The following IFT74 variants were observed in gnomAD, a reference collection of about 807,000 sequenced individuals.
The protein encoded by IFT74 is intraflagellar transport 74.
IFT74 carries 92 observed loss-of-function variants against 96.7 expected under a neutral mutation model. The observed-to-expected ratio is 0.95, with a 90% confidence interval of 0.80 to 1.13. IFT74 has a LOEUF of 1.13. Among genes scored for constraint, IFT74 ranks in the 50% most tolerant of loss-of-function variants. IFT74 has a pLI of 0.00. For missense variants in IFT74, 811 were observed against 698.2 expected, an observed-to-expected ratio of 1.16 and a Z score of -1.82; for synonymous variants, 223 against 213.2, an observed-to-expected ratio of 1.05 and a Z score of -0.40.
At chr9:27,022,145 T>G (rs1829635926) in intron 12 of IFT74, among the ~76,000 whole-genome samples, 2 of 152,164 alleles carry the variant, frequency 1.3e-5, no homozygotes, top group Non-Finnish European at 2.9e-5. Flanking sequence ...ACTGTCAGTA[T>G]TTGGTTTTAT....
At chr9:27,029,184 C>G in intron 13 of IFT74, 80 bp downstream of exon 13, 1 of 1,009,344 alleles carries the variant, frequency 9.9e-7, no homozygotes, top group Non-Finnish European at 1.5e-6. Context: ...GTCTCAGAGA[C>G]TGTTCAACTA....
At chr9:26,965,535 T>G (rs1358584062) in intron 2 of IFT74, among the ~76,000 whole-genome samples, 1 of 152,172 alleles carries the variant, frequency 6.6e-6, no homozygotes, top group Non-Finnish European at 1.5e-5. Flanking sequence ...GGTATCTTTT[T>G]CTTTTATTCC....
intron 3 of IFT74, among the ~76,000 whole-genome samples, chr9:26,979,126 A>G (rs531284764): frequency 1.3e-5 from 2 of 151,440 alleles, no homozygotes; most frequent in East Asian, 4.1e-4. Context: ...ATAATACAGT[A>G]TATCATCCCT....
intron 12 of IFT74, among the ~76,000 whole-genome samples, chr9:27,024,631 C>T (rs1430547752): frequency 1.3e-5 from 2 of 152,074 alleles, no homozygotes; most frequent in Admixed American, 6.5e-5. Context: ...CAGAAGATCA[C>T]ACTAGTACCA....
chr9:27,040,751 G>C (rs1819441912), intron 13 of IFT74, among the ~76,000 whole-genome samples: 1 of 152,024 alleles, frequency 6.6e-6, no homozygotes, highest in South Asian at 2.1e-4. Flanking sequence ...GTTCAGGAGA[G>C]TTACTAGTAC....
rs529424607 is a variant in IFT74, at chr9:27,003,310, G to C, written c.588-5710G>C. On this transcript the variant is annotated intron_variant, in intron 8 of 19. Coordinates refer to ENST00000380062, the MANE Select transcript of IFT74 (RefSeq NM_025103.4). ...GGCCGAGGCGGGCAGATCACCTGAG[G>C]TCAGGAGTTTGAGACCAGCCTGGCC... is the stretch of plus-strand genomic sequence containing the variant. Among the ~76,000 whole-genome samples, 4 of 152,116 alleles carry C rather than the reference G, an allele frequency of 2.6e-5. No homozygotes were observed. The South Asian group carries it at 6.2e-4, about 24-fold the overall frequency.
chr9:26,992,634 A>G (rs1214176896), intron 8 of IFT74, among the ~76,000 whole-genome samples: 1 of 152,100 alleles, frequency 6.6e-6, no homozygotes, highest in African/African-American at 2.4e-5. Context: ...CGGAGGGTTC[A>G]GTAAGCCGAG....
chr9:26,996,330 G>T (rs778748327), intron 8 of IFT74: 5 of 1,596,130 alleles, frequency 3.1e-6, no homozygotes, highest in African/African-American at 1.3e-5. Flanking sequence ...TTGTTAAGTT[G>T]TTCGAAGAGC....
At chr9:26,974,448 A>G (rs1827013312) in intron 2 of IFT74, among the ~76,000 whole-genome samples, 1 of 152,168 alleles carries the variant, frequency 6.6e-6, no homozygotes, top group Admixed American at 6.5e-5. Context: ...TAGCCTGTCT[A>G]AGAATTTTAT....
Position 27,064,387 on chromosome 9 carries a change from T to A in IFT74, c.*1651T>A, listed in dbSNP as rs1218063157. ...AAATTTCACAAGGGAAAAAAACTCT[T>A]TTAGCAGTTAAAGAGAATGAAATCT... On this transcript the variant is annotated 3_prime_UTR_variant, in exon 20 of 20. Coordinates refer to ENST00000380062, the MANE Select transcript of IFT74 (RefSeq NM_025103.4). Among the ~76,000 whole-genome samples the A allele has an allele frequency of 1.3e-5, 2 of 152,096 alleles. No individual in the cohort carries two copies. The highest frequency in any genetic ancestry group is 2.9e-5 in the Non-Finnish European group (2 of 67,964).
chr9:26,968,235 G>C (rs1042747639), intron 2 of IFT74, among the ~76,000 whole-genome samples: 3 of 149,942 alleles, frequency 2.0e-5, no homozygotes, highest in Admixed American at 2.0e-4. Flanking sequence ...GCTTTTCTTT[G>C]CTGGGAGACG....
At position 26,995,587 on chromosome 9, in the gene IFT74, C is replaced by T. The variant is rs752042275; in HGVS notation, c.587+5392C>T. On this transcript the variant is annotated intron_variant, in intron 8 of 19. Coordinates refer to ENST00000380062, the MANE Select transcript of IFT74 (RefSeq NM_025103.4). Reference sequence around the variant, plus strand: ...CTTCAATAAATCCATCATCATCTACCACAAATGAATGTAATTGTTCAAATA... The same window carrying T: ...CTTCAATAAATCCATCATCATCTACTACAAATGAATGTAATTGTTCAAATA... The T allele has an allele frequency of 3.7e-6, 6 of 1,602,628 alleles. No homozygotes were observed. In the South Asian group the frequency reaches 6.6e-5, roughly 18 times the overall value.
chr9:27,000,136 C>A (rs1828400009), intron 8 of IFT74, among the ~76,000 whole-genome samples: 1 of 152,148 alleles, frequency 6.6e-6, no homozygotes, highest in Non-Finnish European at 1.5e-5. Flanking sequence ...CATGGCCATT[C>A]ACCATCCTTG....
intron 13 of IFT74, among the ~76,000 whole-genome samples, chr9:27,039,982 G>A (rs542895640): frequency 7.6e-4 from 115 of 152,286 alleles, no homozygotes; most frequent in African/African-American, 2.7e-3. Context: ...AATTGAAATA[G>A]GAGTCAGGGA....
At chr9:26,997,924 T>G in intron 8 of IFT74, 1 of 1,614,048 alleles carries the variant, frequency 6.2e-7, no homozygotes, top group South Asian at 1.1e-5. Context: ...TCAGTTGTTC[T>G]ATTTTGTTTT....
Position 27,027,054 on chromosome 9 carries a change from A to C in IFT74, c.975-1971A>C, listed in dbSNP as rs118036163. On this transcript the variant is annotated intron_variant, in intron 12 of 19. Coordinates refer to ENST00000380062, the MANE Select transcript of IFT74 (RefSeq NM_025103.4). ...AAGCTGGTTCTTTGAAAAGATAAAC[A>C]AAATTGATAGACCAATAGCAAGATT... 6.8e-3 allele frequency among the ~76,000 whole-genome samples: 1,031 copies of C among 152,294 alleles called. 10 individuals are homozygous for C. Among genetic ancestry groups the C allele is most frequent in the Admixed American group, 0.014 (214 of 15,296 alleles).
chr9:27,055,666 C>A lies in IFT74; in HGVS notation c.1391C>A (p.Thr464Asn). The change falls in exon 17 of 20, where the codon ACT becomes AAT. Residue 464 changes from threonine (T) to asparagine (N), a missense_variant. By Grantham distance (65) the Thr-to-Asn change is moderately conservative. Coordinates refer to ENST00000380062, the MANE Select transcript of IFT74 (RefSeq NM_025103.4). The part of the protein sequence containing the change: ...QKMELLESKM[T>N]EEQHSLKSKI... ...ATGGAGCTTCTAGAAAGTAAGATGA[C>A]TGAAGAACAGCATTCTCTAAAAAGC... 1.5e-5 allele frequency: 24 copies of A among 1,592,526 alleles called. No individual in the cohort carries two copies. Among genetic ancestry groups the A allele is most frequent in the Non-Finnish European group, 2.0e-5 (24 of 1,171,592 alleles).
intron 12 of IFT74, among the ~76,000 whole-genome samples, chr9:27,019,208 C>T (rs1190264502): frequency 6.6e-6 from 1 of 152,108 alleles, no homozygotes; most frequent in Non-Finnish European, 1.5e-5. Flanking sequence ...CCTCCCATCT[C>T]AGCTTCCCAA....
chr9:26,966,760 G>C (rs1051867804), intron 2 of IFT74, among the ~76,000 whole-genome samples: 3 of 151,968 alleles, frequency 2.0e-5, no homozygotes, highest in African/African-American at 7.2e-5. Flanking sequence ...CCAATGTTCT[G>C]GATAATTTCC....
Sources: allele counts gnomAD v4.1 joint callset (sites outside exome capture counted in the v4.1 genomes callset), GRCh38; gene constraint gnomAD v4.1.1; transcripts MANE v1.5; gene names NCBI Gene and HGNC (gene_info 2026-07-23, HGNC 2026-07-21).